Variants in IGF2BP3 observed in about 807,000 individuals in gnomAD.
The protein encoded by IGF2BP3 is insulin like growth factor 2 mRNA binding protein 3.
Under a neutral mutation model 73.8 loss-of-function variants are expected in IGF2BP3, and 9 were observed. The observed-to-expected ratio is 0.12, with a 90% CI of 0.07 to 0.21. The LOEUF (loss-of-function observed/expected upper bound fraction) is 0.21. Ranked by LOEUF, IGF2BP3 falls within the 10% of genes least tolerant of loss-of-function variation. The pLI, the probability that IGF2BP3 is intolerant of heterozygous loss-of-function variation, is 1.00. For synonymous variants in IGF2BP3, 258 were observed against 256.7 expected, an observed-to-expected ratio of 1.01 and a Z score of -0.05; for missense variants, 542 against 714.0, an observed-to-expected ratio of 0.76 and a Z score of 2.75.
intron 3 of IGF2BP3, among the ~76,000 whole-genome samples, chr7:23,375,187 C>A (rs970029595): frequency 6.6e-6 from 1 of 152,020 alleles, no homozygotes; most frequent in Non-Finnish European, 1.5e-5. Flanking sequence ...AAACTGAGGT[C>A]GATTTTAAGT....
intron 3 of IGF2BP3, among the ~76,000 whole-genome samples, chr7:23,401,692 G>A (rs1047294520): frequency 6.6e-6 from 1 of 152,074 alleles, no homozygotes; most frequent in African/African-American, 2.4e-5. Context: ...TTGAACCCAG[G>A]AGGTAAAGGT....
At chr7:23,358,046 T>C (rs1785139610) in intron 5 of IGF2BP3, among the ~76,000 whole-genome samples, 1 of 152,260 alleles carries the variant, frequency 6.6e-6, no homozygotes, top group African/African-American at 2.4e-5. Context: ...CTGCTAACTT[T>C]TGAGCTCTAC....
chr7:23,425,714 G>T (rs563959641), intron 2 of IGF2BP3, among the ~76,000 whole-genome samples: 1 of 152,234 alleles, frequency 6.6e-6, no homozygotes, highest in Non-Finnish European at 1.5e-5. Flanking sequence ...ATAATTGCAT[G>T]CTTCTCCCCC....
At chr7:23,341,319 T>C (rs1267087104) in intron 10 of IGF2BP3, among the ~76,000 whole-genome samples, 1 of 152,156 alleles carries the variant, frequency 6.6e-6, no homozygotes, top group African/African-American at 2.4e-5. Flanking sequence ...TCAAAGCCAT[T>C]GACTTCAGGT....
chr7:23,365,246 A>C (rs1785340300), intron 3 of IGF2BP3, among the ~76,000 whole-genome samples: 1 of 152,198 alleles, frequency 6.6e-6, no homozygotes, highest in Non-Finnish European at 1.5e-5. Flanking sequence ...GGGGTAGAGG[A>C]GGGGTTCAGG....
chr7:23,436,264 T>C (rs1392513019), intron 2 of IGF2BP3, among the ~76,000 whole-genome samples: 2 of 152,232 alleles, frequency 1.3e-5, no homozygotes, highest in African/African-American at 2.4e-5. Flanking sequence ...TAATATGTAA[T>C]GATAATGTCT....
At chr7:23,468,157 A>C (rs1002964931) in intron 2 of IGF2BP3, among the ~76,000 whole-genome samples, 1 of 152,060 alleles carries the variant, frequency 6.6e-6, no homozygotes, top group East Asian at 1.9e-4. Context: ...AGCCCTGCAA[A>C]CCCCCCAAAC....
intron 10 of IGF2BP3, among the ~76,000 whole-genome samples, chr7:23,321,178 G>A (rs548736399): frequency 1.3e-5 from 2 of 152,294 alleles, no homozygotes; most frequent in Non-Finnish European, 2.9e-5. Context: ...ATCTCACTAG[G>A]GAGTGCCAGA....
intron 2 of IGF2BP3, among the ~76,000 whole-genome samples, chr7:23,465,411 G>A (rs1200658297): frequency 6.6e-6 from 1 of 152,192 alleles, no homozygotes; most frequent in Non-Finnish European, 1.5e-5. Context: ...CCCCAACTGA[G>A]GGGTATCTGA....
chr7:23,312,294 C>T lies in IGF2BP3; in HGVS notation c.*68G>A. The stretch of plus-strand genomic sequence containing the variant: ...TGATTCTGGATAGGGGGTCAGCGCC[C>T]ATCTGTTGGTTAAGCAATCTGTCTT... On this transcript the variant is annotated 3_prime_UTR_variant, in exon 15 of 15. Transcript: ENST00000258729. 1.8e-6 allele frequency: 2 copies of T among 1,135,040 alleles called. No individual in the cohort carries two copies. Among genetic ancestry groups the T allele is most frequent in the South Asian group, 1.2e-5 (1 of 80,108 alleles). The allele number at this position is 1,135,040 out of a possible 1,614,324, so 70.3% of individuals were successfully genotyped here.
chr7:23,408,469 T>C (rs114864336), intron 3 of IGF2BP3, among the ~76,000 whole-genome samples: 4,197 of 152,216 alleles, frequency 0.028, 189 homozygotes, highest in African/African-American at 0.094. Context: ...AATATTCACC[T>C]ACTATTTAGA....
intron 3 of IGF2BP3, among the ~76,000 whole-genome samples, chr7:23,375,091 G>A (rs1274227350): frequency 6.6e-6 from 1 of 152,116 alleles, no homozygotes; most frequent in Admixed American, 6.5e-5. Flanking sequence ...TCACACTAGA[G>A]TGTCAAATAC....
intron 5 of IGF2BP3, among the ~76,000 whole-genome samples, chr7:23,358,822 T>C (rs6970047): frequency 6.3e-4 from 96 of 152,340 alleles, no homozygotes; most frequent in African/African-American, 2.3e-3. Context: ...AAATACCTCA[T>C]TGCTTTCTAA....
intron 3 of IGF2BP3, among the ~76,000 whole-genome samples, chr7:23,374,226 C>T (rs568738001): frequency 6.6e-6 from 1 of 152,194 alleles, no homozygotes; most frequent in South Asian, 2.1e-4. Context: ...TGAAAGCAAC[C>T]CAAGCATCCT....
At chr7:23,328,472 C>CT (rs559146156) in intron 10 of IGF2BP3, among the ~76,000 whole-genome samples, 88 of 152,220 alleles carry the variant, frequency 5.8e-4, no homozygotes, top group Middle Eastern at 3.4e-3. Flanking sequence ...CCCTTAACTA[C>CT]TTTTTTTAAA....
intron 5 of IGF2BP3, among the ~76,000 whole-genome samples, chr7:23,355,213 C>CTT: frequency 4.1e-5 from 6 of 145,834 alleles, no homozygotes; most frequent in African/African-American, 1.6e-4. Context: ...CTGGTTTTGT[C>CTT]TTTTTATTTT....
chr7:23,361,906 C>T (rs1178292665), intron 3 of IGF2BP3, among the ~76,000 whole-genome samples, 165 bp from the exon 4 acceptor site: 3 of 152,212 alleles, frequency 2.0e-5, no homozygotes, highest in Admixed American at 1.3e-4. Context: ...AAATATCACA[C>T]TCAGACTTGT....
intron 8 of IGF2BP3, among the ~76,000 whole-genome samples, chr7:23,344,490 C>T (rs1477006347): frequency 6.6e-6 from 1 of 152,180 alleles, no homozygotes; most frequent in East Asian, 1.9e-4. Context: ...ATAACAAAAA[C>T]GTTAGATAGT....
At chr7:23,331,341 T>C (rs1254392140) in intron 10 of IGF2BP3, among the ~76,000 whole-genome samples, 3 of 152,194 alleles carry the variant, frequency 2.0e-5, no homozygotes, top group African/African-American at 7.2e-5. Flanking sequence ...ATTGCATCAT[T>C]ACATGAATTA....
Sources: allele counts gnomAD v4.1 joint callset (sites outside exome capture counted in the v4.1 genomes callset), GRCh38; gene constraint gnomAD v4.1.1; transcripts MANE v1.5; gene names NCBI Gene and HGNC (gene_info 2026-07-23, HGNC 2026-07-21).